Variants in CDH13 observed in about 807,000 individuals in gnomAD.
The protein encoded by CDH13 is cadherin-13.
A neutral mutation model predicts 63.8 loss-of-function variants in CDH13; 24 were observed. That is an observed-to-expected ratio of 0.38 (90% CI 0.27 to 0.53). The LOEUF (loss-of-function observed/expected upper bound fraction) is 0.53, where lower values mean the gene tolerates loss of function less well. Among genes scored for constraint, CDH13 ranks in the 20% least tolerant of loss-of-function variants. CDH13 has a pLI of 0.85. For synonymous variants in CDH13, 503 were observed against 355.3 expected, an observed-to-expected ratio of 1.42 and a Z score of -4.67; for missense variants, 1,049 against 903.1, an observed-to-expected ratio of 1.16 and a Z score of -2.07.
intron 4 of CDH13, among the ~76,000 whole-genome samples, chr16:83,131,974 A>G (rs182606806): frequency 6.6e-6 from 1 of 152,196 alleles, no homozygotes; most frequent in Admixed American, 6.5e-5. Flanking sequence ...GGTAATTTAC[A>G]TCAGCTTTGC....
chr16:82,737,051 C>G (rs7195690), intron 1 of CDH13, among the ~76,000 whole-genome samples: 70,873 of 152,072 alleles, frequency 0.47, 16,648 homozygotes, highest in African/African-American at 0.54. Context: ...ATGCCTTCTC[C>G]ATCAGTGTTA....
intron 5 of CDH13, among the ~76,000 whole-genome samples, chr16:83,275,517 A>G (rs1009552440): frequency 2.0e-5 from 3 of 152,088 alleles, no homozygotes; most frequent in Non-Finnish European, 4.4e-5. Flanking sequence ...GCTGTGTTTT[A>G]TTTCCTTGAT....
intron 2 of CDH13, among the ~76,000 whole-genome samples, chr16:82,888,439 C>T (rs1484878243): frequency 6.6e-6 from 1 of 152,202 alleles, no homozygotes; most frequent in African/African-American, 2.4e-5. Context: ...GGACTAGAAA[C>T]AGAATGGCAA....
intron 2 of CDH13, among the ~76,000 whole-genome samples, chr16:82,999,740 C>G (rs1567730951): frequency 6.6e-6 from 1 of 152,184 alleles, no homozygotes; most frequent in Admixed American, 6.5e-5. Flanking sequence ...GCAAGGACCC[C>G]TCTCCAGCAG....
At chr16:83,545,568 C>G (rs138712238) in intron 7 of CDH13, among the ~76,000 whole-genome samples, 1 of 152,160 alleles carries the variant, frequency 6.6e-6, no homozygotes, top group African/African-American at 2.4e-5. Flanking sequence ...CAGTCCATTA[C>G]CCTTGCCTAT....
At chr16:82,735,762 C>A (rs1336388658) in intron 1 of CDH13, among the ~76,000 whole-genome samples, 1 of 152,162 alleles carries the variant, frequency 6.6e-6, no homozygotes, top group Non-Finnish European at 1.5e-5. Flanking sequence ...ACATTCCTTC[C>A]CAAGTTGAAC....
intron 5 of CDH13, among the ~76,000 whole-genome samples, chr16:83,332,570 G>T (rs1314471174): frequency 3.3e-5 from 5 of 152,086 alleles, no homozygotes; most frequent in African/African-American, 1.2e-4. Context: ...TCTCTCTGCT[G>T]GCTTTGTTTT....
intron 4 of CDH13, among the ~76,000 whole-genome samples, chr16:83,174,135 T>C (rs1304356931): frequency 6.6e-6 from 1 of 152,044 alleles, no homozygotes; most frequent in Non-Finnish European, 1.5e-5. Flanking sequence ...AACATTTCCA[T>C]TTCAGGGGAG....
At chr16:82,923,920 T>C (rs570516733) in intron 2 of CDH13, among the ~76,000 whole-genome samples, 1 of 152,308 alleles carries the variant, frequency 6.6e-6, no homozygotes, top group South Asian at 2.1e-4. Flanking sequence ...CTGCAAATGA[T>C]CACAGAATTA....
intron 4 of CDH13, among the ~76,000 whole-genome samples, chr16:83,130,188 C>A (rs1006369426): frequency 1.3e-5 from 2 of 152,198 alleles, no homozygotes; most frequent in Non-Finnish European, 2.9e-5. Context: ...CAGCACTGTG[C>A]TAAGCACTTT....
At chr16:82,891,780 C>T (rs144899470) in intron 2 of CDH13, among the ~76,000 whole-genome samples, 29 of 152,242 alleles carry the variant, frequency 1.9e-4, no homozygotes, top group Admixed American at 3.9e-4. Flanking sequence ...TAATGACCCA[C>T]CTGAAGATGA....
intron 10 of CDH13, among the ~76,000 whole-genome samples, chr16:83,743,350 C>G (rs1273630112): frequency 1.3e-5 from 2 of 152,086 alleles, no homozygotes; most frequent in Non-Finnish European, 2.9e-5. Flanking sequence ...CACCCAAACC[C>G]TGGCTTTCCC....
intron 1 of CDH13, among the ~76,000 whole-genome samples, chr16:82,707,882 T>C (rs1222982943): frequency 6.6e-6 from 1 of 152,172 alleles, no homozygotes; most frequent in Non-Finnish European, 1.5e-5. Flanking sequence ...ATGTGTCGGT[T>C]AGGGAAAGAC....
At chr16:83,375,902 A>G (rs1252700353) in intron 6 of CDH13, among the ~76,000 whole-genome samples, 1 of 152,156 alleles carries the variant, frequency 6.6e-6, no homozygotes, top group Non-Finnish European at 1.5e-5. Flanking sequence ...GCCATGATAC[A>G]GGTGTTGGAG....
chr16:83,541,490 G>T (rs1017549533), intron 7 of CDH13, among the ~76,000 whole-genome samples: 1 of 152,286 alleles, frequency 6.6e-6, no homozygotes, highest in East Asian at 1.9e-4. Context: ...CTTGGCCATA[G>T]TTAGACTTAA....
chr16:83,311,756 A>T (rs1447822011), intron 5 of CDH13, among the ~76,000 whole-genome samples: 2 of 152,212 alleles, frequency 1.3e-5, no homozygotes, highest in African/African-American at 4.8e-5. Context: ...TCCAGCTTGG[A>T]CAAATTCTAC....
chr16:83,041,596 G>T (rs1221319700), intron 3 of CDH13, among the ~76,000 whole-genome samples: 1 of 152,090 alleles, frequency 6.6e-6, no homozygotes, highest in South Asian at 2.1e-4. Context: ...GGAATTATTT[G>T]GTAAGTACCT....
At chr16:82,645,715 G>A (rs1035977773) in intron 1 of CDH13, among the ~76,000 whole-genome samples, 1 of 152,192 alleles carries the variant, frequency 6.6e-6, no homozygotes. Context: ...AGCTGGGGCT[G>A]TGAAAAGATA....
intron 1 of CDH13, among the ~76,000 whole-genome samples, chr16:82,782,558 A>AG (rs202158503): frequency 7.3e-6 from 1 of 136,848 alleles, no homozygotes; most frequent in Non-Finnish European, 1.6e-5. Context: ...TCTCAAAAAA[A>AG]AAAAAAAATA....
Sources: allele counts gnomAD v4.1 joint callset (sites outside exome capture counted in the v4.1 genomes callset), GRCh38; gene constraint gnomAD v4.1.1; transcripts MANE v1.5; gene names NCBI Gene and HGNC (gene_info 2026-07-23, HGNC 2026-07-21).